The following AGBL1 variants were observed in gnomAD, a reference collection of about 807,000 sequenced individuals.
AGBL1 encodes the protein AGBL carboxypeptidase 1, also known as cytosolic carboxypeptidase 4.
Under a neutral mutation model 118.9 loss-of-function variants are expected in AGBL1, and 130 were observed. That is an observed-to-expected ratio of 1.09 (90% CI 0.95 to 1.26). The LOEUF is 1.26. Ranked by LOEUF, AGBL1 falls within the 50% of genes most tolerant of loss-of-function variation. The pLI is 0.00. For synonymous variants in AGBL1, 555 were observed against 478.9 expected (o/e 1.16, Z -2.08); for missense variants, 1,584 against 1,298.1 (o/e 1.22, Z -3.38).
intron 18 of AGBL1, among the ~76,000 whole-genome samples, chr15:86,439,793 C>T (rs907928164): frequency 1.3e-5 from 2 of 152,218 alleles, no homozygotes; most frequent in Admixed American, 1.3e-4. Context: ...TCTCCAACAG[C>T]TGCTGTCCCT....
chr15:86,218,341 G>A (rs542189447), intron 5 of AGBL1, among the ~76,000 whole-genome samples: 86 of 152,266 alleles, frequency 5.6e-4, no homozygotes, highest in African/African-American at 2.0e-3. Flanking sequence ...TCTCTGAAAA[G>A]GGGACGTCTG....
At chr15:86,810,558 A>G (rs1271708104) in intron 22 of AGBL1, among the ~76,000 whole-genome samples, 3 of 152,194 alleles carry the variant, frequency 2.0e-5, no homozygotes, top group Non-Finnish European at 4.4e-5. Context: ...TGTGGGGAAT[A>G]TTATAGTCCT....
At chr15:86,343,155 G>T (rs2080487417) in intron 17 of AGBL1, among the ~76,000 whole-genome samples, 1 of 152,174 alleles carries the variant, frequency 6.6e-6, no homozygotes, top group South Asian at 2.1e-4. Flanking sequence ...GCCCTGGAGA[G>T]TGATTTTATG....
chr15:86,637,370 A>G (rs1410357122), intron 21 of AGBL1, among the ~76,000 whole-genome samples: 1 of 152,136 alleles, frequency 6.6e-6, no homozygotes, highest in Non-Finnish European at 1.5e-5. Flanking sequence ...TTTCAGGCAT[A>G]GAGAAACACA....
intron 21 of AGBL1, among the ~76,000 whole-genome samples, chr15:86,604,614 C>T (rs1392201384): frequency 6.6e-6 from 1 of 152,112 alleles, no homozygotes; most frequent in Non-Finnish European, 1.5e-5. Context: ...TTAATAATAC[C>T]TGTACAGTTG....
intron 18 of AGBL1, among the ~76,000 whole-genome samples, chr15:86,413,629 GTTGGGTAT>G (rs2081651322): frequency 6.6e-6 from 1 of 152,014 alleles, no homozygotes; most frequent in South Asian, 2.1e-4. Flanking sequence ...AATTAGTGGT[GTTGGGTAT>G]TTTTTAGGTG....
chr15:86,673,498 A>G (rs2085782137), intron 21 of AGBL1, among the ~76,000 whole-genome samples: 1 of 152,178 alleles, frequency 6.6e-6, no homozygotes, highest in African/African-American at 2.4e-5. Flanking sequence ...GGTACTTACT[A>G]GATGCTAGGC....
At chr15:86,824,095 TAAAAG>T (rs1239764966) in intron 22 of AGBL1, among the ~76,000 whole-genome samples, 3 of 151,418 alleles carry the variant, frequency 2.0e-5, no homozygotes, top group Non-Finnish European at 2.9e-5. Flanking sequence ...AAAAAACAAA[TAAAAG>T]AAATAAAAGG....
chr15:86,918,332 G>C (rs1378884774), downstream of AGBL1, among the ~76,000 whole-genome samples: 1 of 152,150 alleles, frequency 6.6e-6, no homozygotes, highest in East Asian at 1.9e-4. Flanking sequence ...ATTTGGGTTT[G>C]AACTGAGCTT....
chr15:86,940,583 C>A (rs2080738067), intron 23 of AGBL1, among the ~76,000 whole-genome samples: 1 of 152,118 alleles, frequency 6.6e-6, no homozygotes, highest in African/African-American at 2.4e-5. Context: ...AAACTAAGTG[C>A]ACACACAAGG....
intron 22 of AGBL1, among the ~76,000 whole-genome samples, chr15:86,690,860 A>G (rs2086153486): frequency 6.6e-6 from 1 of 152,166 alleles, no homozygotes; most frequent in South Asian, 2.1e-4. Context: ...CAGCAATCTC[A>G]TTAGTAGAAT....
chr15:86,435,592 C>T (rs1845385098), intron 18 of AGBL1, among the ~76,000 whole-genome samples: 1 of 152,156 alleles, frequency 6.6e-6, no homozygotes, highest in Non-Finnish European at 1.5e-5. Flanking sequence ...TATTAAAACT[C>T]AATGGGCTGC....
chr15:86,689,106 G>A (rs536663877), intron 22 of AGBL1, among the ~76,000 whole-genome samples: 3 of 152,162 alleles, frequency 2.0e-5, no homozygotes, highest in South Asian at 2.1e-4. Flanking sequence ...CCTGGATGTC[G>A]ACCAGATATT....
chr15:86,616,074 C>A (rs945616642), intron 21 of AGBL1, among the ~76,000 whole-genome samples: 2 of 152,072 alleles, frequency 1.3e-5, no homozygotes, highest in African/African-American at 2.4e-5. Context: ...TATTGGCTCA[C>A]CCCTGTAATC....
chr15:86,403,477 G>A (rs899647328), intron 18 of AGBL1, among the ~76,000 whole-genome samples: 5 of 152,162 alleles, frequency 3.3e-5, no homozygotes, highest in African/African-American at 1.2e-4. Flanking sequence ...ACAAAATCTT[G>A]ACCATTTTAA....
chr15:86,779,388 A>C (rs1032692534), intron 22 of AGBL1, among the ~76,000 whole-genome samples: 2 of 152,224 alleles, frequency 1.3e-5, no homozygotes, highest in Non-Finnish European at 2.9e-5. Flanking sequence ...AGAGGCCCAC[A>C]TGCACTAAGA....
intron 22 of AGBL1, among the ~76,000 whole-genome samples, chr15:86,750,119 A>T (rs1202813885): frequency 6.6e-6 from 1 of 151,990 alleles, no homozygotes; most frequent in Non-Finnish European, 1.5e-5. Flanking sequence ...AGAGGCAATA[A>T]TTTTTAATAC....
intron 5 of AGBL1, among the ~76,000 whole-genome samples, chr15:86,180,761 C>G (rs551846904): frequency 6.6e-6 from 1 of 151,762 alleles, no homozygotes; most frequent in African/African-American, 2.4e-5. Context: ...ACAATATTTG[C>G]CAATCATGTA....
At chr15:86,130,772 G>T (rs1223787649) in intron 1 of AGBL1, among the ~76,000 whole-genome samples, 1 of 152,044 alleles carries the variant, frequency 6.6e-6, no homozygotes, top group Non-Finnish European at 1.5e-5. Flanking sequence ...ACTATTGCTG[G>T]TAAGAAATTA....
Sources: gnomAD v4.1 joint callset for allele counts (sites outside exome capture counted in the v4.1 genomes callset) on GRCh38, gnomAD v4.1.1 for gene constraint, MANE v1.5 for transcripts, NCBI Gene and HGNC (gene_info 2026-07-23, HGNC 2026-07-21) for gene names.